The following ALG5 variants were observed in gnomAD, a reference collection of about 807,000 sequenced individuals.
ALG5 encodes the protein dolichyl-phosphate beta-glucosyltransferase.
Under a neutral mutation model 51.8 loss-of-function variants are expected in ALG5, and 26 were observed. The ratio of observed to expected loss-of-function variants is 0.50; its 90% CI spans 0.37 to 0.70. ALG5 has a LOEUF of 0.70. ALG5 is among the 30% of genes least tolerant of loss of function. The pLI is 0.00. For synonymous variants in ALG5, 141 were observed against 136.1 expected (o/e 1.04, Z -0.25); for missense variants, 311 against 399.3 (o/e 0.78, Z 1.88).
In ALG5 at chr13:36,952,509, C is replaced by T; in HGVS notation, c.859+5G>A. 6.3e-7 allele frequency: 1 copy of T among 1,588,206 alleles called. No individual in the cohort carries two copies. The highest frequency in any genetic ancestry group is 8.6e-7 in the Non-Finnish European group (1 of 1,165,816). On this transcript the variant is annotated splice_donor_5th_base_variant and intron_variant, in intron 9 of 9. Transcript: ENST00000239891. ...AGACAATCATACAATAAACAATATA[C>T]TCACCTTCAATTTCTGTCCAGTTGA...
chr13:36,970,750 A>C (rs2058918942), intron 7 of ALG5, among the ~76,000 whole-genome samples: 1 of 152,184 alleles, frequency 6.6e-6, no homozygotes, highest in South Asian at 2.1e-4. Context: ...TCTTCTACTA[A>C]AACTACAAAA....
Position 36,985,731 on chromosome 13 carries a change from T to C in ALG5, c.457A>G (p.Ser153Gly). The stretch of plus-strand genomic sequence containing the variant: ...ATAAGGATCTTTTCTCCTCGAGAAC[T>C]GAATATACCCTGTATTTTAAAATTT... ...KGGAIRMGIFSSRGEKILMAD... is the reference protein window; with the variant it reads ...KGGAIRMGIFGSRGEKILMAD... Residue 153 changes from serine (S) to glycine (G), a missense_variant, in exon 6 of 10, where the codon AGT (serine) becomes GGT (glycine). By Grantham distance (56) the Ser-to-Gly change is moderately conservative (BLOSUM62 0). Transcript: ENST00000239891. 6.2e-7 allele frequency: 1 copy of C among 1,609,656 alleles called. No homozygotes were observed. Among genetic ancestry groups the C allele is most frequent in the Non-Finnish European group, 8.5e-7 (1 of 1,177,042 alleles).
rs1269894731 is a variant in ALG5 at position 36,999,308 on chromosome 13, G to A, written c.-8C>T. 1 of 1,568,918 alleles carries A rather than the reference G, an allele frequency of 6.4e-7. No homozygotes were observed. Among genetic ancestry groups the A allele is most frequent in the African/African-American group, 1.4e-5 (1 of 71,160 alleles). On this transcript the variant is annotated 5_prime_UTR_variant, in exon 1 of 10. Coordinates refer to ENST00000239891, the MANE Select transcript of ALG5 (RefSeq NM_013338.5). Reference sequence around the variant, plus strand: ...CAACAGAAGCGGAGCCATTCTCCATGCCGTGGCAGCCCGCCCAATCCCGCA... The same window carrying A: ...CAACAGAAGCGGAGCCATTCTCCATACCGTGGCAGCCCGCCCAATCCCGCA...
At chr13:36,966,539 G>A (rs981321978) in intron 7 of ALG5, among the ~76,000 whole-genome samples, 4 of 152,064 alleles carry the variant, frequency 2.6e-5, no homozygotes, top group African/African-American at 7.2e-5. Flanking sequence ...AGACAGAGAC[G>A]CCTTCTGTTG....
chr13:36,958,790 C>T (rs2058852219), intron 8 of ALG5, among the ~76,000 whole-genome samples: 1 of 152,116 alleles, frequency 6.6e-6, no homozygotes, highest in Non-Finnish European at 1.5e-5. Flanking sequence ...AAAGAGGGCT[C>T]ACTGAAATAC....
At position 36,989,559 on chromosome 13, in the gene ALG5, G is replaced by T; in HGVS notation, c.372C>A (p.Cys124Ter). Residue 124 changes from cysteine to a stop codon, truncating the protein, a stop_gained, in exon 5 of 10, where the codon TGC becomes TGA. Transcript: ENST00000239891. LOFTEE classifies it high-confidence loss of function. ...DQTSKVAFKY[C>*]QKYGSDKVRV... ...GTACTTTGTCACTTCCATATTTCTGGCAATATTTAAAAGCTACCTATGAAA... is the reference window on the plus strand; with the variant it reads ...GTACTTTGTCACTTCCATATTTCTGTCAATATTTAAAAGCTACCTATGAAA... The T allele has an allele frequency of 6.2e-7, 1 of 1,610,904 alleles. No individual in the cohort carries two copies. Among genetic ancestry groups the T allele is most frequent in the Non-Finnish European group, 8.5e-7 (1 of 1,177,898 alleles).
At chr13:36,993,029 G>A (rs1342840355) in intron 4 of ALG5, among the ~76,000 whole-genome samples, 1 of 152,180 alleles carries the variant, frequency 6.6e-6, no homozygotes, top group Non-Finnish European at 1.5e-5. Flanking sequence ...CACAGCCTCA[G>A]CTGGGTCTAG....
intron 7 of ALG5, chr13:36,967,956 C>T (rs1035179888): frequency 5.0e-6 from 2 of 397,028 alleles, no homozygotes; most frequent in Admixed American, 3.9e-5. Flanking sequence ...CATGACTGCT[C>T]TGGCTTGGAT....
intron 6 of ALG5, among the ~76,000 whole-genome samples, chr13:36,974,841 A>G: frequency 6.6e-6 from 1 of 152,168 alleles, no homozygotes; most frequent in East Asian, 1.9e-4. Flanking sequence ...ATTCCTTAAT[A>G]CCATCAGACA....
chr13:36,956,976 C>A (rs2058842689), intron 8 of ALG5, among the ~76,000 whole-genome samples: 1 of 152,006 alleles, frequency 6.6e-6, no homozygotes, highest in African/African-American at 2.4e-5. Context: ...GAATGAGGCA[C>A]CTCATGAGGA....
chr13:36,997,563 T>A (rs1183061779), intron 1 of ALG5, among the ~76,000 whole-genome samples: 1 of 150,378 alleles, frequency 6.6e-6, no homozygotes, highest in East Asian at 2.0e-4. Flanking sequence ...CAGAGTACAA[T>A]GTGTGGCACT....
chr13:36,953,270 C>T (rs1168073396), intron 8 of ALG5, among the ~76,000 whole-genome samples: 1 of 152,138 alleles, frequency 6.6e-6, no homozygotes, highest in Non-Finnish European at 1.5e-5. Context: ...CTGTTAAAAC[C>T]ATTTCCAGTC....
At chr13:36,970,867 C>T (rs180791305) in intron 7 of ALG5, among the ~76,000 whole-genome samples, 181 of 152,194 alleles carry the variant, frequency 1.2e-3, no homozygotes, top group African/African-American at 4.2e-3. Flanking sequence ...GCCAAGATTG[C>T]GCCACTGCAC....
intron 4 of ALG5, among the ~76,000 whole-genome samples, chr13:36,991,954 T>C (rs2059027286): frequency 6.6e-6 from 1 of 152,156 alleles, no homozygotes; most frequent in Non-Finnish European, 1.5e-5. Flanking sequence ...CTTAAAGTCC[T>C]GGCTGTCCCT....
chr13:36,984,996 T>C (rs1431606492), intron 6 of ALG5, among the ~76,000 whole-genome samples: 1 of 152,018 alleles, frequency 6.6e-6, no homozygotes, highest in African/African-American at 2.4e-5. Context: ...GTTTGACATA[T>C]TGTGTGATGG....
In ALG5 at chr13:36,999,317, G is replaced by T; in HGVS notation, c.-17C>A. The T allele has an allele frequency of 6.4e-7, 1 of 1,566,446 alleles. No homozygotes were observed. The highest frequency in any genetic ancestry group is 8.6e-7 in the Non-Finnish European group (1 of 1,159,542). The stretch of plus-strand genomic sequence containing the variant: ...CGGAGCCATTCTCCATGCCGTGGCA[G>T]CCCGCCCAATCCCGCACCTCCACAC... On this transcript the variant is annotated 5_prime_UTR_variant, in exon 1 of 10. The change creates a new upstream start codon in the 5' untranslated region. Transcript: ENST00000239891.
chr13:36,965,305 A>AAAGGAAAAAAAAGGAAGTCT (rs139879453), intron 8 of ALG5, among the ~76,000 whole-genome samples: 136,969 of 151,506 alleles, frequency 0.9, 62,085 homozygotes, highest in East Asian at 1. Flanking sequence ...TTTTTTCTTC[A>AAAGGAAAAAAAAGGAAGTCT]AAGGAAAAAA....
chr13:36,992,618 C>T (rs899014562), intron 4 of ALG5, among the ~76,000 whole-genome samples: 1 of 152,192 alleles, frequency 6.6e-6, no homozygotes. Context: ...TGAGTTCCTA[C>T]TGAGTGCCTA....
chr13:36,977,839 T>TATATATTATC (rs2058960364), intron 6 of ALG5, among the ~76,000 whole-genome samples: 1 of 127,552 alleles, frequency 7.8e-6, no homozygotes, highest in Admixed American at 8.1e-5. Context: ...AGAAGTAAAG[T>TATATATTATC]ATATATTATC....
Sources: allele counts gnomAD v4.1 joint callset (sites outside exome capture counted in the v4.1 genomes callset), GRCh38; gene constraint gnomAD v4.1.1; transcripts MANE v1.5; gene names NCBI Gene and HGNC (gene_info 2026-07-23, HGNC 2026-07-21).